The following CFAP47 variants were observed in gnomAD, a reference collection of about 807,000 sequenced individuals.
CFAP47 encodes cilia- and flagella-associated protein 47.
A neutral mutation model predicts 148.1 loss-of-function variants in CFAP47; 29 were observed. The observed-to-expected ratio is 0.20, with a 90% CI of 0.15 to 0.27. CFAP47 has a LOEUF of 0.27. Ranked by LOEUF, CFAP47 falls within the 10% of genes least tolerant of loss-of-function variation. The pLI, the probability that CFAP47 is intolerant of heterozygous loss-of-function variation, is 1.00. For synonymous variants in CFAP47, 664 were observed against 577.3 expected, an observed-to-expected ratio of 1.15 and a Z score of -2.15; for missense variants, 1,872 against 1,697.5, an observed-to-expected ratio of 1.10 and a Z score of -1.81.
intron 45 of CFAP47, among the ~76,000 whole-genome samples, chrX:36,228,241 T>C (rs781970553): frequency 9.0e-6 from 1 of 111,333 alleles, no homozygotes; most frequent in South Asian, 3.8e-4. Flanking sequence ...TCTGGCCAGT[T>C]AAATGTAATG....
In CFAP47 at chrX:36,255,686, A is replaced by T. The variant is rs782021383; in HGVS notation, c.7444+4242A>T. On this transcript the variant is annotated intron_variant, in intron 49 of 63. Transcript: ENST00000378653. ...TCATTAGTGCATTGTAGTGTCTTCC[A>T]CAGTTGTATTTGATGAAAATTGAAT... Among the ~76,000 whole-genome samples the T allele has an allele frequency of 1.2e-3, 130 of 111,581 alleles. 1 individual carries two copies. The highest frequency in any genetic ancestry group is 4.0e-3 in the African/African-American group (123 of 30,779).
At chrX:36,151,051 C>T (rs1407737312) in intron 37 of CFAP47, among the ~76,000 whole-genome samples, 7 of 111,839 alleles carry the variant, frequency 6.3e-5, no homozygotes, top group African/African-American at 2.3e-4. Flanking sequence ...GAAGTTTCTC[C>T]TGCATTTTTT....
intron 13 of CFAP47, among the ~76,000 whole-genome samples, chrX:35,974,419 T>C (rs771105568): frequency 9.0e-6 from 1 of 111,413 alleles, no homozygotes; most frequent in African/African-American, 3.3e-5. Flanking sequence ...CTAACCACAG[T>C]TAAGGTGGCC....
At chrX:36,296,526 T>C (rs1306027618) in intron 51 of CFAP47, among the ~76,000 whole-genome samples, 2 of 112,446 alleles carry the variant, frequency 1.8e-5, no homozygotes, top group Non-Finnish European at 3.8e-5. Context: ...GCAGGGATTG[T>C]TTTGTAAAAC....
chrX:36,289,373 T>C (rs1263039565), intron 51 of CFAP47, among the ~76,000 whole-genome samples: 1 of 111,462 alleles, frequency 9.0e-6, no homozygotes, highest in Non-Finnish European at 1.9e-5. Flanking sequence ...GTCCATGACA[T>C]TGAAATTTTT....
chrX:36,096,587 T>G (rs2146788528), intron 30 of CFAP47, among the ~76,000 whole-genome samples: 1 of 111,503 alleles, frequency 9.0e-6, no homozygotes, highest in Admixed American at 9.6e-5. Flanking sequence ...CTTTTATCAT[T>G]ATATAATGAC....
chrX:36,249,010 C>A, intron 48 of CFAP47, among the ~76,000 whole-genome samples: 1 of 109,456 alleles, frequency 9.1e-6, no homozygotes, highest in Non-Finnish European at 1.9e-5. Context: ...CATAATTGAC[C>A]AAAATTTAGG....
At chrX:35,953,029 T>C (rs913795275) in intron 6 of CFAP47, among the ~76,000 whole-genome samples, 3 of 112,155 alleles carry the variant, frequency 2.7e-5, no homozygotes, top group African/African-American at 9.7e-5. Context: ...AGCAGACCTA[T>C]GACATAAACC....
chrX:36,273,155 A>G (rs1199701276), intron 49 of CFAP47, among the ~76,000 whole-genome samples: 1 of 111,545 alleles, frequency 9.0e-6, no homozygotes, highest in African/African-American at 3.2e-5. Context: ...TTTAAAAATT[A>G]TTTTCAAAGG....
chrX:36,358,694 G>A (rs1298810239), intron 60 of CFAP47, among the ~76,000 whole-genome samples: 17 of 111,412 alleles, frequency 1.5e-4, no homozygotes, highest in African/African-American at 4.9e-4. Context: ...CCTGCTTCAC[G>A]GTTTGATAAA....
rs1555998207 is a variant in CFAP47, at chrX:36,251,375, A to T, written c.7375A>T (p.Thr2459Ser). Residue 2459 changes from threonine to serine, a missense_variant, in exon 49 of 64, where the codon ACA (threonine) becomes TCA (serine). Physicochemically the swap from Thr to Ser is moderately conservative, Grantham distance 58. Transcript: ENST00000378653. ...AATAGTGTGGGGAAATCCACAAATT[A>T]CAGTATACCCTTATAAAGAAATTCT... ...LPIVWGNPQI[T>S]VYPYKEILYL... 2.0e-6 allele frequency: 1 copy of T among 508,122 alleles called. No individual in the cohort carries two copies. The highest frequency in any genetic ancestry group is 2.7e-5 in the Admixed American group (1 of 37,114). The allele number at this position is 508,122 out of a possible 1,213,427, so 41.9% of individuals were successfully genotyped here.
Position 36,280,565 on chromosome X carries a change from A to T in CFAP47, c.7523A>T (p.Asp2508Val). The change falls in exon 50 of 64, where the codon GAT becomes GTT. Residue 2508 changes from aspartate (D) to valine (V), a missense_variant. Asp to Val is a radical substitution (Grantham distance 152). Coordinates refer to ENST00000378653, the MANE Select transcript of CFAP47 (RefSeq NM_001304548.2). ...GATTATGAGGAAGACACAGATCAAG[A>T]TCAAGCCCTCTCCTGTCTTGATTCA... is the stretch of plus-strand genomic sequence containing the variant. Reference protein sequence around the residue: ...HDDYEEDTDQDQALSCLDSIT... With the variant: ...HDDYEEDTDQVQALSCLDSIT... The T allele has an allele frequency of 2.0e-6, 1 of 509,900 alleles. No individual in the cohort carries two copies. Among genetic ancestry groups the T allele is most frequent in the Non-Finnish European group, 3.5e-6 (1 of 284,502 alleles). 42.0% of individuals were successfully genotyped at this position (509,900 alleles called of 1,213,427 possible).
chrX:35,976,969 G>A (rs1936580451), intron 15 of CFAP47, among the ~76,000 whole-genome samples: 1 of 111,763 alleles, frequency 8.9e-6, no homozygotes, highest in Admixed American at 9.5e-5. Context: ...CTGCTAAACT[G>A]TGACTTATTT....
At chrX:36,217,742 C>T (rs1441012642) in intron 45 of CFAP47, among the ~76,000 whole-genome samples, 6 of 112,164 alleles carry the variant, frequency 5.3e-5, no homozygotes, top group Non-Finnish European at 1.1e-4. Context: ...AAAAAATACA[C>T]TTTAAGTCAA....
At chrX:36,323,154 A>G (rs1473597364) in intron 57 of CFAP47, among the ~76,000 whole-genome samples, 1 of 111,462 alleles carries the variant, frequency 9.0e-6, no homozygotes, top group African/African-American at 3.2e-5. Context: ...ATCCTTGACC[A>G]GTGTTTACCT....
chrX:35,930,491 C>T (rs1158679670), intron 2 of CFAP47, among the ~76,000 whole-genome samples: 2 of 110,679 alleles, frequency 1.8e-5, no homozygotes, highest in Non-Finnish European at 3.8e-5. Flanking sequence ...GGAAATGCTG[C>T]GTCTTCTATA....
chrX:36,124,401 G>A (rs1292838626), intron 33 of CFAP47, among the ~76,000 whole-genome samples: 1 of 111,421 alleles, frequency 9.0e-6, no homozygotes, highest in Admixed American at 9.5e-5. Flanking sequence ...GGGTCCAAGA[G>A]GACTTTAGTC....
chrX:36,306,685 C>A, intron 54 of CFAP47, 87 bp from the exon 55 acceptor site: 1 of 467,452 alleles, frequency 2.1e-6, no homozygotes, highest in Non-Finnish European at 3.7e-6. Context: ...AAACATCGAC[C>A]CTGCATATAG....
At position 36,009,732 on chromosome X, in the gene CFAP47, AC is replaced by A. The variant is rs767764178; in HGVS notation, c.3418-5039del. On this transcript the variant is annotated intron_variant, in intron 21 of 63. Coordinates refer to ENST00000378653, the MANE Select transcript of CFAP47 (RefSeq NM_001304548.2). ...CAGTTAAAGTTAAATAAAAATAGAAACCCAAGTGTTTTGCCTATTAGGGCAA... is the reference window on the plus strand; with the variant it reads ...CAGTTAAAGTTAAATAAAAATAGAAACCAAGTGTTTTGCCTATTAGGGCAA... Among the ~76,000 whole-genome samples the A allele has an allele frequency of 6.4e-3, 717 of 112,071 alleles. 4 individuals are homozygous for A. Among genetic ancestry groups the A allele is most frequent in the African/African-American group, 0.021 (641 of 30,856 alleles).
Sources: allele counts gnomAD v4.1 joint callset (sites outside exome capture counted in the v4.1 genomes callset), GRCh38; gene constraint gnomAD v4.1.1; transcripts MANE v1.5; gene names NCBI Gene and HGNC (gene_info 2026-07-23, HGNC 2026-07-21).